Variants in COL6A2 observed in about 807,000 individuals in gnomAD.
The protein encoded by COL6A2 is collagen type VI alpha 2 chain.
Under a neutral mutation model 124.9 loss-of-function variants are expected in COL6A2, and 90 were observed. The ratio of observed to expected loss-of-function variants is 0.72; its 90% CI spans 0.61 to 0.86. The LOEUF (loss-of-function observed/expected upper bound fraction) is 0.86. COL6A2 is among the 40% of genes least tolerant of loss of function. The probability of loss-of-function intolerance (pLI) is 0.00; values close to 1 mark genes in which losing one functional copy is unlikely to be tolerated. For synonymous variants in COL6A2, 793 were observed against 618.2 expected, an observed-to-expected ratio of 1.28 and a Z score of -4.19; for missense variants, 1,607 against 1,502.5, an observed-to-expected ratio of 1.07 and a Z score of -1.15.
rs761428568 is a variant in COL6A2 at position 46,117,394 on chromosome 21, C to T, written c.1000-6C>T. On this transcript the variant is annotated splice_region_variant and splice_polypyrimidine_tract_variant and intron_variant, in intron 10 of 27. Transcript: ENST00000300527. ...CTGAGACTCCTCCTGCCCCCTTCTC[C>T]TTCAGGGCAAGCTGGGGCGCATCGG... is the stretch of plus-strand genomic sequence containing the variant. 5.6e-6 allele frequency: 9 copies of T among 1,612,590 alleles called. No homozygotes were observed. Among genetic ancestry groups the T allele is most frequent in the Non-Finnish European group, 7.6e-6 (9 of 1,179,864 alleles).
At chr21:46,124,477 C>G (rs1568938098) in intron 21 of COL6A2, among the ~76,000 whole-genome samples, 174 bp from the exon 22 acceptor site, 1 of 152,056 alleles carries the variant, frequency 6.6e-6, no homozygotes, top group Admixed American at 6.5e-5. Context: ...GCCTTTCTAG[C>G]TCTGGTGCCA....
intron 27 of COL6A2, 71 bp from the exon 28 acceptor site, chr21:46,131,883 G>A (rs1043993625): frequency 7.8e-6 from 11 of 1,406,890 alleles, no homozygotes; most frequent in Non-Finnish European, 8.8e-6. Context: ...AAGGGCACAG[G>A]TGCGGGGCTG....
At chr21:46,101,168 G>A (rs911750087) in intron 1 of COL6A2, among the ~76,000 whole-genome samples, 1 of 152,128 alleles carries the variant, frequency 6.6e-6, no homozygotes, top group Non-Finnish European at 1.5e-5. Context: ...TAGTGACGTT[G>A]AGCATCTTTT....
At chr21:46,107,507 TCTG>T (rs1482164815) in intron 1 of COL6A2, among the ~76,000 whole-genome samples, 1 of 152,228 alleles carries the variant, frequency 6.6e-6, no homozygotes, top group Non-Finnish European at 1.5e-5. Flanking sequence ...GTAAGGAATC[TCTG>T]TTAACATAGC....
chr21:46,119,233 G>A (rs373322289), intron 14 of COL6A2, 114 bp downstream of exon 14: 53 of 805,396 alleles, frequency 6.6e-5, no homozygotes, highest in African/African-American at 6.4e-4. Flanking sequence ...CTGCTGGCAA[G>A]GCACAGCCAG....
chr21:46,110,614 G>A (rs947817852), intron 1 of COL6A2, among the ~76,000 whole-genome samples: 9 of 152,056 alleles, frequency 5.9e-5, no homozygotes, highest in African/African-American at 1.2e-4. Context: ...TCCTGGCAGC[G>A]CCTCCCCTAG....
intron 27 of COL6A2, 150 bp from the exon 28 acceptor site, chr21:46,131,804 A>C (rs374087119): frequency 1.4e-6 from 1 of 728,560 alleles, no homozygotes; most frequent in Non-Finnish European, 2.3e-6. Context: ...ACCCACACCC[A>C]GGGCTGCCCT....
chr21:46,124,733 C>T lies in COL6A2; in HGVS notation c.1734+20C>T. The T allele has an allele frequency of 6.2e-7, 1 of 1,611,314 alleles. No homozygotes were observed. The highest frequency in any genetic ancestry group is 8.5e-7 in the Non-Finnish European group (1 of 1,178,804). On this transcript the variant is annotated intron_variant, in intron 22 of 27. Coordinates refer to ENST00000300527, the MANE Select transcript of COL6A2 (RefSeq NM_001849.4). ...CCCGAGGTAGGTTGGTGGCCAGTCC[C>T]CATGCCCTCCCCCCAACCTGCCAGG...
chr21:46,120,539 C>T lies in COL6A2; in HGVS notation c.1357C>T (p.Arg453Cys), dbSNP rs781742477. 14 of 1,479,498 alleles carry T rather than the reference C, an allele frequency of 9.5e-6. No individual in the cohort carries two copies. Among genetic ancestry groups the T allele is most frequent in the East Asian group, 5.1e-5 (2 of 39,436 alleles). 91.6% of individuals were successfully genotyped at this position (1,479,498 alleles called of 1,614,324 possible). A position where few individuals can be genotyped will look rare whatever the true frequency, so the allele number is the denominator to read the frequency against. Residue 453 changes from arginine (R) to cysteine (C), a missense_variant, in exon 16 of 28, where the codon CGC becomes TGC. Arg to Cys is a radical substitution (Grantham distance 180, BLOSUM62 -3). Coordinates refer to ENST00000300527, the MANE Select transcript of COL6A2 (RefSeq NM_001849.4). ...GGGGGACCCTGGCCCTGAGGGGCCC[C>T]GCGGCCTGGCTGGAGAGGTTGGCAA... Reference protein sequence around the residue: ...EKGDPGPEGPRGLAGEVGNKG... With the variant: ...EKGDPGPEGPCGLAGEVGNKG...
chr21:46,122,228 T>C, intron 19 of COL6A2, 70 bp downstream of exon 19: 5 of 1,547,916 alleles, frequency 3.2e-6, no homozygotes, highest in East Asian at 2.3e-5. Flanking sequence ...TGAAGATTCC[T>C]AGTAGTTCCC....
rs924857694 is a variant in COL6A2, at chr21:46,132,752, C to G, written c.*200C>G. On this transcript the variant is annotated 3_prime_UTR_variant, in exon 28 of 28. Transcript: ENST00000300527. ...GTCTCCCCAGGCCCTCCGCAGGCTG[C>G]CCGGCCTCCCTCCCCCTGCAGCCAT... The G allele has an allele frequency of 4.9e-6, 3 of 607,896 alleles. No homozygotes were observed. The highest frequency in any genetic ancestry group is 8.7e-6 in the Non-Finnish European group (3 of 345,024). The allele number at this position is 607,896 out of a possible 1,614,324, so 37.7% of individuals were successfully genotyped here. A position where few individuals can be genotyped will look rare whatever the true frequency, so the allele number is the denominator to read the frequency against.
intron 27 of COL6A2, 47 bp from the exon 28 acceptor site, chr21:46,131,907 C>T: frequency 1.3e-6 from 2 of 1,525,174 alleles, no homozygotes; most frequent in Middle Eastern, 2.1e-4. Flanking sequence ...CCTGCCCGGT[C>T]CTGCCCACCT....
chr21:46,132,369 G>T lies in COL6A2; in HGVS notation c.2877G>T (p.Glu959Asp), dbSNP rs1274304291. 6.2e-7 allele frequency: 1 copy of T among 1,609,252 alleles called. No homozygotes were observed. The highest frequency in any genetic ancestry group is 8.5e-7 in the Non-Finnish European group (1 of 1,179,560). ...DGVTGNDSLH[E>D]SAHSMRKQNV... is the part of the protein sequence containing the mutation. The stretch of plus-strand genomic sequence containing the variant: ...TCACGGGCAACGACAGTCTGCACGA[G>T]TCGGCGCACTCCATGCGCAAGCAGA... Residue 959 changes from glutamate (E) to aspartate (D), a missense_variant, in exon 28 of 28, where the codon GAG becomes GAT. Coordinates refer to ENST00000300527, the MANE Select transcript of COL6A2 (RefSeq NM_001849.4).
chr21:46,108,778 T>C (rs1405639792), intron 1 of COL6A2, among the ~76,000 whole-genome samples: 1 of 152,216 alleles, frequency 6.6e-6, no homozygotes, highest in Non-Finnish European at 1.5e-5. Context: ...GTTTTTAATA[T>C]TGGCTAGAAT....
intron 27 of COL6A2, chr21:46,129,160 C>T: frequency 6.2e-7 from 1 of 1,612,390 alleles, no homozygotes; most frequent in Non-Finnish European, 8.5e-7. Context: ...ACGCCCACCG[C>T]AGGCCTTACA....
Position 46,116,056 on chromosome 21 carries a change from G to C in COL6A2, c.900+3G>C, listed in dbSNP as rs2078465671. 1 of 1,580,572 alleles carries C rather than the reference G, an allele frequency of 6.3e-7. No individual in the cohort carries two copies. The highest frequency in any genetic ancestry group is 8.6e-7 in the Non-Finnish European group (1 of 1,164,198). ...CCATTGGATTCCCAGGACCCAAGGTGAGTGACCTCGGCCAGGGGCTTGGCT... is the reference window on the plus strand; with the variant it reads ...CCATTGGATTCCCAGGACCCAAGGTCAGTGACCTCGGCCAGGGGCTTGGCT... On this transcript the variant is annotated splice_donor_region_variant and intron_variant, in intron 7 of 27. Coordinates refer to ENST00000300527, the MANE Select transcript of COL6A2 (RefSeq NM_001849.4). The surrounding 1 kb of genome is among the most constrained non-coding windows in gnomAD (Gnocchi z 4.6).
rs377585812 is a variant in COL6A2 at position 46,112,391 on chromosome 21, G to A, written c.528G>A (p.Gln176=). The change falls in exon 3 of 28, where the codon CAG becomes CAA. Residue 176 remains glutamine (Q), a synonymous_variant. Coordinates refer to ENST00000300527, the MANE Select transcript of COL6A2 (RefSeq NM_001849.4). ...TGSPCGGIKL[Q]AERAREEGIR... ...GCCCCTGCGGGGGCATCAAGCTGCA[G>A]GCCGAGCGGGCCCGCGAGGAGGGCA... 2.6e-4 allele frequency: 418 copies of A among 1,607,502 alleles called. 3 individuals carry two copies. Among genetic ancestry groups the A allele is most frequent in the Non-Finnish European group, 9.0e-5 (106 of 1,178,530 alleles).
In COL6A2 at chr21:46,112,584, C is replaced by T. The variant is rs1249070850; in HGVS notation, c.714+7C>T. The T allele has an allele frequency of 8.1e-6, 13 of 1,611,666 alleles. No homozygotes were observed. Among genetic ancestry groups the T allele is most frequent in the African/African-American group, 2.7e-5 (2 of 74,884 alleles). The stretch of plus-strand genomic sequence containing the variant: ...CCGCATCATCAAGGTCATGGTGAGC[C>T]GCGGGCGGGAGCACCGTCCACGCGC... On this transcript the variant is annotated splice_region_variant and intron_variant, in intron 3 of 27. Coordinates refer to ENST00000300527, the MANE Select transcript of COL6A2 (RefSeq NM_001849.4).
chr21:46,124,551 CAAGGGAGG>C, intron 21 of COL6A2, 92 bp from the exon 22 acceptor site: 2 of 1,104,756 alleles, frequency 1.8e-6, no homozygotes, highest in East Asian at 2.4e-5. Context: ...CCCCCCCCGC[CAAGGGAGG>C]ACCCGTGGTT....
Sources: gnomAD v4.1 joint callset for allele counts (sites outside exome capture counted in the v4.1 genomes callset) on GRCh38, gnomAD v4.1.1 for gene constraint, Gnocchi (gnomAD v3.1) non-coding constraint, MANE v1.5 for transcripts, NCBI Gene and HGNC (gene_info 2026-07-23, HGNC 2026-07-21) for gene names.